The following NECAB1 variants were observed in gnomAD, a reference collection of about 807,000 sequenced individuals.
The protein encoded by NECAB1 is N-terminal EF-hand calcium-binding protein 1.
In NECAB1, 29 loss-of-function variants were observed where a neutral mutation model predicts 57.5. The observed-to-expected ratio is 0.50, with a 90% CI of 0.38 to 0.69. NECAB1 has a LOEUF of 0.69. Among genes scored for constraint, NECAB1 ranks in the 30% least tolerant of loss-of-function variants. NECAB1 has a pLI of 0.00. For synonymous variants in NECAB1, 142 were observed against 147.7 expected, an observed-to-expected ratio of 0.96 and a Z score of 0.28; for missense variants, 372 against 413.8, an observed-to-expected ratio of 0.90 and a Z score of 0.88.
chr8:90,901,447 A>G (rs769373731), intron 5 of NECAB1, among the ~76,000 whole-genome samples: 5 of 152,192 alleles, frequency 3.3e-5, no homozygotes, highest in Non-Finnish European at 7.3e-5. Flanking sequence ...CTCTCCAGGT[A>G]TGTTTAACAC....
At chr8:90,918,384 C>T (rs908457276) in intron 6 of NECAB1, among the ~76,000 whole-genome samples, 7 of 151,710 alleles carry the variant, frequency 4.6e-5, no homozygotes, top group Non-Finnish European at 8.8e-5. Context: ...TATAAAGATA[C>T]ATTTAACATA....
chr8:90,929,323 A>G (rs1019081756), intron 8 of NECAB1, among the ~76,000 whole-genome samples: 4 of 152,194 alleles, frequency 2.6e-5, no homozygotes, highest in African/African-American at 9.7e-5. Flanking sequence ...ATGGTGACTT[A>G]ATTAAAAATT....
At chr8:90,849,441 C>A (rs1178297380) in intron 3 of NECAB1, among the ~76,000 whole-genome samples, 1 of 151,082 alleles carries the variant, frequency 6.6e-6, no homozygotes, top group African/African-American at 2.4e-5. Context: ...TGAACTCTAT[C>A]CTGGACAACA....
chr8:90,868,116 T>G (rs1208961162), intron 3 of NECAB1, among the ~76,000 whole-genome samples: 2 of 152,182 alleles, frequency 1.3e-5, no homozygotes, highest in Non-Finnish European at 2.9e-5. Context: ...TAAGATGTGT[T>G]TGCTTCCTGT....
Position 90,956,666 on chromosome 8 carries a change from T to C in NECAB1, c.*1154T>C, listed in dbSNP as rs1174775123. On this transcript the variant is annotated 3_prime_UTR_variant, in exon 13 of 13. Coordinates refer to ENST00000417640, the MANE Select transcript of NECAB1 (RefSeq NM_022351.5). ...ATGTTATTTTCTAGTATAAATTCCT[T>C]TGAAACTATAAGTCTTTGAGGAAAA... 1.3e-5 allele frequency: 2 copies of C among 152,056 alleles called. No homozygotes were observed. Among genetic ancestry groups the C allele is most frequent in the Admixed American group, 1.3e-4 (2 of 15,198 alleles). 9.4% of individuals were successfully genotyped at this position (152,056 alleles called of 1,614,324 possible).
chr8:90,950,518 A>G lies in NECAB1; in HGVS notation c.939-595A>G, dbSNP rs564403065. On this transcript the variant is annotated intron_variant, in intron 11 of 12. Coordinates refer to ENST00000417640, the MANE Select transcript of NECAB1 (RefSeq NM_022351.5). ...ACAATTCCTGACAGTTTAAAATGGT[A>G]CAGAGAATACAGCTCTCTAAATAAG... Among the ~76,000 whole-genome samples, 11 of 152,348 alleles carry G rather than the reference A, an allele frequency of 7.2e-5. No individual in the cohort carries two copies. In the South Asian group the frequency reaches 2.3e-3, roughly 32 times the overall value.
intron 3 of NECAB1, among the ~76,000 whole-genome samples, chr8:90,845,524 AAAAT>A (rs1290543932): frequency 2.0e-5 from 3 of 152,246 alleles, no homozygotes; most frequent in Non-Finnish European, 4.4e-5. Context: ...GTTTTCAAAA[AAAAT>A]AAAGCCTCTT....
At chr8:90,832,209 G>GA (rs141540081) in intron 3 of NECAB1, among the ~76,000 whole-genome samples, 1 of 152,084 alleles carries the variant, frequency 6.6e-6, no homozygotes, top group African/African-American at 2.4e-5. Context: ...TATGGAGAGA[G>GA]AAAAAACCCA....
chr8:90,869,103 C>T (rs1808571184), intron 3 of NECAB1, among the ~76,000 whole-genome samples: 1 of 152,240 alleles, frequency 6.6e-6, no homozygotes, highest in African/African-American at 2.4e-5. Flanking sequence ...AGCCCTAAGC[C>T]TTTGCAACTT....
intron 2 of NECAB1, among the ~76,000 whole-genome samples, chr8:90,820,542 G>T (rs574816100): frequency 6.6e-6 from 1 of 151,912 alleles, no homozygotes; most frequent in African/African-American, 2.4e-5. Flanking sequence ...TGTTTTGAGA[G>T]CATAATCATT....
chr8:90,860,426 GAACTTACT>G (rs1812880639), intron 3 of NECAB1, among the ~76,000 whole-genome samples: 1 of 151,922 alleles, frequency 6.6e-6, no homozygotes, highest in South Asian at 2.1e-4. Flanking sequence ...ATGTCTTCAA[GAACTTACT>G]AAACTAGTAT....
chr8:90,883,380 G>T (rs912335032), intron 5 of NECAB1, among the ~76,000 whole-genome samples: 1 of 152,128 alleles, frequency 6.6e-6, no homozygotes, highest in Non-Finnish European at 1.5e-5. Context: ...ACATCTTCAC[G>T]CTGTCTAGCA....
At chr8:90,895,111 C>T (rs1217735035) in intron 5 of NECAB1, among the ~76,000 whole-genome samples, 8 of 152,086 alleles carry the variant, frequency 5.3e-5, no homozygotes, top group Non-Finnish European at 1.2e-4. Flanking sequence ...GCACAAATGT[C>T]TGTTAAGAAA....
intron 3 of NECAB1, among the ~76,000 whole-genome samples, chr8:90,837,473 G>C (rs1262189735): frequency 6.6e-6 from 1 of 152,212 alleles, no homozygotes; most frequent in African/African-American, 2.4e-5. Context: ...AGAACAGTGA[G>C]CAATTTAAAA....
intron 3 of NECAB1, among the ~76,000 whole-genome samples, chr8:90,862,955 AT>A (rs1563509429): frequency 6.6e-6 from 1 of 152,064 alleles, no homozygotes; most frequent in African/African-American, 2.4e-5. Flanking sequence ...AACATTTTAC[AT>A]TTTTAAACTT....
At chr8:90,883,559 G>T (rs1013567580) in intron 5 of NECAB1, among the ~76,000 whole-genome samples, 5 of 152,168 alleles carry the variant, frequency 3.3e-5, no homozygotes, top group Non-Finnish European at 7.4e-5. Flanking sequence ...CAGTGTCAGA[G>T]AATGGATAAA....
At chr8:90,905,757 C>T (rs778195591) in intron 5 of NECAB1, among the ~76,000 whole-genome samples, 1 of 152,108 alleles carries the variant, frequency 6.6e-6, no homozygotes, top group Non-Finnish European at 1.5e-5. Context: ...AAGTTAAATA[C>T]TCTCGTTCTC....
At position 90,940,822 on chromosome 8, in the gene NECAB1, G is replaced by C; in HGVS notation, c.784G>C (p.Glu262Gln). The C allele has an allele frequency of 1.3e-6, 2 of 1,564,150 alleles. No individual in the cohort carries two copies. The change falls in exon 10 of 13, where the codon GAA becomes CAA. Residue 262 changes from glutamate to glutamine, a missense_variant. Glu to Gln is a conservative substitution (Grantham distance 29). Coordinates refer to ENST00000417640, the MANE Select transcript of NECAB1 (RefSeq NM_022351.5). ...MLVQRQMSVI[E>Q]EDLEEFQLAL... ...TGTGCAGCGGCAGATGTCTGTGATAGAAGAGGACCTGGAAGAATTCCAGCT... is the reference window on the plus strand; with the variant it reads ...TGTGCAGCGGCAGATGTCTGTGATACAAGAGGACCTGGAAGAATTCCAGCT...
intron 7 of NECAB1, among the ~76,000 whole-genome samples, chr8:90,926,087 A>G (rs1327241826): frequency 2.6e-5 from 4 of 152,170 alleles, no homozygotes; most frequent in African/African-American, 9.7e-5. Flanking sequence ...GTGTTTTTGA[A>G]GTTTGTAATG....
Sources: allele counts gnomAD v4.1 joint callset (sites outside exome capture counted in the v4.1 genomes callset), GRCh38; gene constraint gnomAD v4.1.1; transcripts MANE v1.5; gene names NCBI Gene and HGNC (gene_info 2026-07-23, HGNC 2026-07-21).